The following DCAKD variants were observed in gnomAD, a reference collection of about 807,000 sequenced individuals.
DCAKD encodes dephospho-CoA kinase domain-containing protein.
DCAKD carries 15 observed loss-of-function variants against 18.7 expected under a neutral mutation model. That is an observed-to-expected ratio of 0.80 (90% CI 0.54 to 1.24). The LOEUF is 1.24. Among genes scored for constraint, DCAKD ranks in the 50% most tolerant of loss-of-function variants. The pLI is 0.00. For synonymous variants in DCAKD, 130 were observed against 133.0 expected (o/e 0.98, Z 0.16); for missense variants, 301 against 322.0 (o/e 0.93, Z 0.50).
Position 45,024,445 on chromosome 17 carries a change from C to A in DCAKD, c.684G>T (p.Leu228=), listed in dbSNP as rs1389503678. The part of the protein sequence containing the change: ...SLLYLLTHYL[L]PYA The stretch of plus-strand genomic sequence containing the variant: ...CTTGAGTGCCCCACTAGGCGTAAGG[C>A]AGAAGGTAGTGGGTGAGCAGGTAGA... Residue 228 remains leucine, a synonymous_variant, in exon 5 of 5, where the codon CTG becomes CTT. Coordinates refer to ENST00000651974, the MANE Select transcript of DCAKD (RefSeq NM_001288655.2). 8 of 1,605,206 alleles carry A rather than the reference C, an allele frequency of 5.0e-6. No individual in the cohort carries two copies. Among genetic ancestry groups the A allele is most frequent in the Non-Finnish European group, 6.8e-6 (8 of 1,172,932 alleles).
exon 1 of DCAKD, chr17:45,061,031 C>G (rs1001627520): frequency 8.5e-7 from 1 of 1,178,576 alleles, no homozygotes; most frequent in Non-Finnish European, 1.1e-6. Context: ...CAACTCCCAT[C>G]ATGCCAGGCG....
At chr17:45,028,352 CG>C (rs1037875966) in intron 4 of DCAKD, among the ~76,000 whole-genome samples, 3 of 151,438 alleles carry the variant, frequency 2.0e-5, no homozygotes, top group African/African-American at 7.3e-5. Flanking sequence ...CCTCATGATC[CG>C]CCCACCTCGG....
At chr17:45,038,044 C>T (rs2053344249) in intron 1 of DCAKD, among the ~76,000 whole-genome samples, 1 of 151,938 alleles carries the variant, frequency 6.6e-6, no homozygotes, top group African/African-American at 2.4e-5. Flanking sequence ...GCTGGGATTA[C>T]AGGCGTGAGC....
chr17:45,033,218 G>C (rs776980150), intron 3 of DCAKD, among the ~76,000 whole-genome samples: 32 of 147,304 alleles, frequency 2.2e-4, no homozygotes, highest in Non-Finnish European at 4.4e-4. Flanking sequence ...AAAAAGAACA[G>C]GGCTTGAACC....
At chr17:45,046,713 A>G (rs921907193) in intron 1 of DCAKD, among the ~76,000 whole-genome samples, 7 of 151,836 alleles carry the variant, frequency 4.6e-5, no homozygotes, top group Admixed American at 2.6e-4. Context: ...GTGATGCGTG[A>G]AGATTTTCTG....
chr17:45,029,137 A>C (rs1032893567), intron 4 of DCAKD, among the ~76,000 whole-genome samples: 5 of 152,244 alleles, frequency 3.3e-5, no homozygotes, highest in Non-Finnish European at 7.3e-5. Context: ...GGAATGAAGA[A>C]CCCAAAGAGG....
chr17:45,033,917 C>T (rs2053226963), intron 3 of DCAKD: 4 of 1,466,426 alleles, frequency 2.7e-6, no homozygotes, highest in African/African-American at 1.4e-5. Context: ...CCCATCCCTA[C>T]TAGAAAAACC....
intron 1 of DCAKD, among the ~76,000 whole-genome samples, chr17:45,048,235 G>GA (rs112754962): frequency 0.015 from 2,091 of 140,776 alleles, 54 homozygotes; most frequent in African/African-American, 0.046. Flanking sequence ...CAAAAAAATG[G>GA]AAAAAAAAAA....
intron 3 of DCAKD, chr17:45,033,870 A>C: frequency 7.8e-7 from 1 of 1,284,346 alleles, no homozygotes; most frequent in Non-Finnish European, 1.0e-6. Context: ...ATTTGAACTC[A>C]GATCTATGGC....
intron 1 of DCAKD, among the ~76,000 whole-genome samples, chr17:45,044,686 C>CATCAATCA (rs1341481518): frequency 2.8e-4 from 27 of 96,522 alleles, no homozygotes; most frequent in African/African-American, 1.3e-3. Context: ...AGAGAGACTC[C>CATCAATCA]ATCAATAAAT....
At chr17:45,060,178 A>G (rs1311772686) in intron 1 of DCAKD, among the ~76,000 whole-genome samples, 1 of 152,218 alleles carries the variant, frequency 6.6e-6, no homozygotes. Flanking sequence ...AGAGGATTAA[A>G]TGAGATAATG....
chr17:45,052,060 CGCGGGAGAGGTTGG>C (rs558033248), upstream of DCAKD, among the ~76,000 whole-genome samples: 166 of 32,622 alleles, frequency 5.1e-3, 4 homozygotes, highest in Middle Eastern at 0.014. Flanking sequence ...GGCGGGCGGA[CGCGGGAGAGGTTGG>C]GCGGGAGAGG....
At chr17:45,031,418 A>C in intron 3 of DCAKD, 2 of 958,082 alleles carry the variant, frequency 2.1e-6, no homozygotes, top group Non-Finnish European at 2.5e-6. Flanking sequence ...TGTAAACCTC[A>C]TCTGTGTAAA....
chr17:45,053,066 G>A (rs996547814), upstream of DCAKD, among the ~76,000 whole-genome samples: 2 of 149,156 alleles, frequency 1.3e-5, no homozygotes, highest in African/African-American at 5.0e-5. Context: ...GGGAGGCTGA[G>A]GCAGGAGGAT....
upstream of DCAKD, among the ~76,000 whole-genome samples, chr17:45,054,984 C>T (rs1196701586): frequency 6.6e-6 from 1 of 152,114 alleles, no homozygotes; most frequent in Non-Finnish European, 1.5e-5. Context: ...TCCGATTTGC[C>T]AAAAGCAGCT....
intron 1 of DCAKD, among the ~76,000 whole-genome samples, chr17:45,047,283 C>T (rs554998085): frequency 6.6e-6 from 1 of 151,958 alleles, no homozygotes; most frequent in East Asian, 1.9e-4. Flanking sequence ...AAAAGCTCCA[C>T]CCAGCTTATT....
intron 1 of DCAKD, among the ~76,000 whole-genome samples, chr17:45,050,591 T>G (rs1002773693): frequency 3.3e-5 from 5 of 152,126 alleles, no homozygotes; most frequent in African/African-American, 1.2e-4. Flanking sequence ...CTACCAGATC[T>G]CTAGCATTTC....
chr17:45,037,619 C>T (rs1355187002), intron 1 of DCAKD, among the ~76,000 whole-genome samples: 1 of 151,966 alleles, frequency 6.6e-6, no homozygotes, highest in Non-Finnish European at 1.5e-5. Context: ...TCACCATGCC[C>T]AGCTAATTTT....
chr17:45,058,787 G>A (rs1028148605), intron 1 of DCAKD, among the ~76,000 whole-genome samples: 2 of 151,844 alleles, frequency 1.3e-5, no homozygotes, highest in Admixed American at 6.6e-5. Context: ...TAGGGCAATC[G>A]CGTTGAACAG....
Sources: allele counts gnomAD v4.1 joint callset (sites outside exome capture counted in the v4.1 genomes callset), GRCh38; gene constraint gnomAD v4.1.1; transcripts MANE v1.5; gene names NCBI Gene and HGNC (gene_info 2026-07-23, HGNC 2026-07-21).